The following YWHAE variants were observed in gnomAD, a reference collection of about 807,000 sequenced individuals.
The protein encoded by YWHAE is tyrosine 3-monooxygenase/tryptophan 5-monooxygenase activation protein epsilon.
YWHAE carries 4 observed loss-of-function variants against 30.1 expected under a neutral mutation model. That is an observed-to-expected ratio of 0.13 (90% CI 0.07 to 0.30). The LOEUF is 0.30. Among genes scored for constraint, YWHAE ranks in the 10% least tolerant of loss-of-function variants. The pLI, the probability that YWHAE is intolerant of heterozygous loss-of-function variation, is 1.00. For synonymous variants in YWHAE, 118 were observed against 111.8 expected (o/e 1.06, Z -0.35); for missense variants, 121 against 315.9 (o/e 0.38, Z 4.68).
chr17:1,383,545 C>T (rs1312316872), intron 1 of YWHAE, among the ~76,000 whole-genome samples: 4 of 136,584 alleles, frequency 2.9e-5, no homozygotes, highest in East Asian at 2.2e-4. Context: ...CGTGCCACCA[C>T]GCCCGGCAAG....
intron 1 of YWHAE, among the ~76,000 whole-genome samples, chr17:1,381,576 G>T (rs183437567): frequency 6.6e-6 from 1 of 151,992 alleles, no homozygotes; most frequent in Non-Finnish European, 1.5e-5. Flanking sequence ...CATGTAAAGG[G>T]GGGAGGGGAA....
At chr17:1,385,531 C>A (rs558653236) in intron 1 of YWHAE, among the ~76,000 whole-genome samples, 1 of 152,098 alleles carries the variant, frequency 6.6e-6, no homozygotes, top group East Asian at 1.9e-4. Context: ...GGACCAGTTT[C>A]GTGGAAGACA....
chr17:1,386,491 A>G (rs1006752123), intron 1 of YWHAE, among the ~76,000 whole-genome samples: 1 of 152,254 alleles, frequency 6.6e-6, no homozygotes, highest in Non-Finnish European at 1.5e-5. Context: ...TGCCTGGTAC[A>G]TAGTCGGCAT....
intron 5 of YWHAE, among the ~76,000 whole-genome samples, chr17:1,353,721 G>A (rs1472653020): frequency 1.3e-5 from 2 of 150,922 alleles, no homozygotes; most frequent in Non-Finnish European, 2.9e-5. Flanking sequence ...CCGAGATTGA[G>A]CCACCGCACT....
At chr17:1,391,698 C>T (rs2073391335) in intron 1 of YWHAE, among the ~76,000 whole-genome samples, 1 of 152,076 alleles carries the variant, frequency 6.6e-6, no homozygotes, top group Non-Finnish European at 1.5e-5. Context: ...TCAAGCTGGC[C>T]GGGCGCAGTG....
rs1449995605 is a variant in YWHAE, at chr17:1,365,073, GAA to G, written c.65-17_65-16del. Reference sequence around the variant, plus strand: ...CTCCACCATTTCTGTATGGGAAAAGGAAAAGTCAGACCTTACAAATTTGAAGT... The same window carrying G: ...CTCCACCATTTCTGTATGGGAAAAGGAAGTCAGACCTTACAAATTTGAAGT... On this transcript the variant is annotated splice_polypyrimidine_tract_variant and intron_variant, in intron 1 of 5. Coordinates refer to ENST00000264335, the MANE Select transcript of YWHAE (RefSeq NM_006761.5). The G allele has an allele frequency of 6.2e-7, 1 of 1,612,398 alleles. No homozygotes were observed. Among genetic ancestry groups the G allele is most frequent in the Non-Finnish European group, 8.5e-7 (1 of 1,179,558 alleles).
chr17:1,385,344 C>T (rs1001831555), intron 1 of YWHAE, among the ~76,000 whole-genome samples: 9 of 152,020 alleles, frequency 5.9e-5, no homozygotes, highest in South Asian at 2.1e-4. Context: ...CACCAAGGTC[C>T]CCTGTGATCA....
chr17:1,384,494 A>G lies in YWHAE; in HGVS notation c.64+15553T>C, dbSNP rs189853198. 5.0e-3 allele frequency among the ~76,000 whole-genome samples: 752 copies of G among 149,530 alleles called. 2 individuals carry two copies. The highest frequency in any genetic ancestry group is 0.015 in the African/African-American group (623 of 40,286). ...ATCACAACGTCAGGAGATCAAGACC[A>G]TCCTGGCTAACACGGTGAAACCCTG... is the stretch of plus-strand genomic sequence containing the variant. On this transcript the variant is annotated intron_variant, in intron 1 of 5. Transcript: ENST00000264335.
chr17:1,356,214 AC>A (rs1286527344), intron 4 of YWHAE, among the ~76,000 whole-genome samples: 26 of 132,406 alleles, frequency 2.0e-4, no homozygotes, highest in African/African-American at 7.9e-4. Flanking sequence ...ACACACACAC[AC>A]AAAATTAGCC....
chr17:1,388,647 A>C (rs1421557686), intron 1 of YWHAE, among the ~76,000 whole-genome samples: 2 of 151,518 alleles, frequency 1.3e-5, no homozygotes, highest in African/African-American at 4.9e-5. Flanking sequence ...CCTGGCCTCA[A>C]ATGACCTCCC....
rs544115909 is a variant in YWHAE, at chr17:1,394,436, C to CAAAAAAAAAAAAAAAAA, written c.64+5594_64+5610dup. Among the ~76,000 whole-genome samples, 13 of 58,548 alleles carry CAAAAAAAAAAAAAAAAA rather than the reference C, an allele frequency of 2.2e-4. 1 individual carries two copies. The highest frequency in any genetic ancestry group is 7.1e-4 in the African/African-American group (8 of 11,340). 38.4% of individuals were successfully genotyped at this position (58,548 alleles called of 152,430 possible). On this transcript the variant is annotated intron_variant, in intron 1 of 5. Transcript: ENST00000264335. ...GGGCAACATAGAGACCTCAAATCCA[C>CAAAAAAAAAAAAAAAAA]AAAAAAAAAAAAAAAAAAAAAAAAA...
intron 5 of YWHAE, among the ~76,000 whole-genome samples, chr17:1,352,772 G>A (rs541122683): frequency 5.1e-4 from 78 of 152,070 alleles, no homozygotes; most frequent in African/African-American, 1.8e-3. Flanking sequence ...TGATCCACCC[G>A]CCATGGCGTC....
At chr17:1,361,677 G>C in intron 3 of YWHAE, 1 of 471,852 alleles carries the variant, frequency 2.1e-6, no homozygotes, top group Non-Finnish European at 3.8e-6. Context: ...ATGCCGTTTG[G>C]GGGAGGGGAA....
intron 5 of YWHAE, among the ~76,000 whole-genome samples, chr17:1,350,958 C>T (rs1217015997): frequency 6.6e-6 from 1 of 151,572 alleles, no homozygotes; most frequent in Non-Finnish European, 1.5e-5. Flanking sequence ...ACTCAGGAGG[C>T]TGAGGCAGGA....
At chr17:1,394,436 CAAAAAAAAAAAAAAA>C (rs544115909) in intron 1 of YWHAE, among the ~76,000 whole-genome samples, 1 of 58,562 alleles carries the variant, frequency 1.7e-5, no homozygotes, top group Non-Finnish European at 2.8e-5. Context: ...CTCAAATCCA[CAAAAAAAAAAAAAAA>C]AAAAAAAAAA....
rs186112939 is a variant in YWHAE at position 1,388,383 on chromosome 17, G to A, written c.64+11664C>T. ...TACAAAAAATGAGCCGGGCGTGGTG[G>A]CAGGCGCCTGTAGTACCAGCTACTC... On this transcript the variant is annotated intron_variant, in intron 1 of 5. Transcript: ENST00000264335. 9.4e-4 allele frequency among the ~76,000 whole-genome samples: 143 copies of A among 151,854 alleles called. 1 individual carries two copies. The East Asian group carries it at 0.024, about 25-fold the overall frequency.
At chr17:1,347,890 A>G in intron 5 of YWHAE, 1 of 903,574 alleles carries the variant, frequency 1.1e-6, no homozygotes, top group Non-Finnish European at 1.3e-6. Context: ...CAACAGGACG[A>G]TCATACGCAG....
intron 1 of YWHAE, among the ~76,000 whole-genome samples, chr17:1,388,099 T>A (rs2073328946): frequency 1.3e-5 from 1 of 77,662 alleles, no homozygotes; most frequent in Non-Finnish European, 2.2e-5. Context: ...TGGGTAATTT[T>A]TGTTTTTTTT....
chr17:1,374,647 T>C (rs1346010150), intron 1 of YWHAE, among the ~76,000 whole-genome samples: 1 of 152,200 alleles, frequency 6.6e-6, no homozygotes, highest in South Asian at 2.1e-4. Flanking sequence ...CTGTATCTCT[T>C]TGTGGTTTTG....
Sources: gnomAD v4.1 joint callset for allele counts (sites outside exome capture counted in the v4.1 genomes callset) on GRCh38, gnomAD v4.1.1 for gene constraint, MANE v1.5 for transcripts, NCBI Gene and HGNC (gene_info 2026-07-23, HGNC 2026-07-21) for gene names.